The following GLP2R variants were observed in gnomAD, a reference collection of about 807,000 sequenced individuals.
GLP2R encodes the protein glucagon-like peptide 2 receptor.
GLP2R carries 59 observed loss-of-function variants against 68.2 expected under a neutral mutation model. That is an observed-to-expected ratio of 0.87 (90% CI 0.70 to 1.07). The LOEUF is 1.07. Among genes scored for constraint, GLP2R ranks in the 50% least tolerant of loss-of-function variants. GLP2R has a pLI of 0.00. For missense variants in GLP2R, 548 were observed against 677.4 expected, an observed-to-expected ratio of 0.81 and a Z score of 2.12; for synonymous variants, 270 against 265.4, an observed-to-expected ratio of 1.02 and a Z score of -0.17.
At chr17:9,833,737 T>C (rs926810862) in intron 1 of GLP2R, 70 bp from the exon 2 acceptor site, 31 of 875,188 alleles carry the variant, frequency 3.5e-5, no homozygotes, top group Non-Finnish European at 5.1e-5. Context: ...TGGAGAATCA[T>C]GGTGTGAAGT....
chr17:9,870,567 G>C (rs1351005386), intron 9 of GLP2R, among the ~76,000 whole-genome samples, 180 bp from the exon 10 acceptor site: 2 of 152,130 alleles, frequency 1.3e-5, no homozygotes, highest in Non-Finnish European at 2.9e-5. Flanking sequence ...TGGAGATTCA[G>C]ATGGCCTTTA....
At chr17:9,860,565 T>C (rs537984713) in intron 7 of GLP2R, among the ~76,000 whole-genome samples, 1 of 152,238 alleles carries the variant, frequency 6.6e-6, no homozygotes, top group African/African-American at 2.4e-5. Flanking sequence ...AAGCAAGCTC[T>C]CTCGTCTCTT....
chr17:9,870,619 C>G (rs2067083271), intron 9 of GLP2R, 128 bp from the exon 10 acceptor site: 8 of 687,386 alleles, frequency 1.2e-5, no homozygotes, highest in Non-Finnish European at 1.9e-5. Flanking sequence ...ACCTGGCCAG[C>G]TAACTGCTGA....
intron 3 of GLP2R, among the ~76,000 whole-genome samples, chr17:9,841,085 C>G (rs1462892758): frequency 6.7e-6 from 1 of 149,268 alleles, no homozygotes; most frequent in Admixed American, 6.7e-5. Context: ...GGCGTGATCT[C>G]AGCTCACTGC....
chr17:9,890,060 G>A lies in GLP2R; in HGVS notation c.*355G>A, dbSNP rs1227605441. The A allele has an allele frequency of 2.2e-6, 1 of 465,068 alleles. No individual in the cohort carries two copies. The highest frequency in any genetic ancestry group is 2.3e-5 in the Admixed American group (1 of 42,782). 28.8% of individuals were successfully genotyped at this position (465,068 alleles called of 1,614,324 possible). On this transcript the variant is annotated 3_prime_UTR_variant, in exon 13 of 13. Coordinates refer to ENST00000262441, the MANE Select transcript of GLP2R (RefSeq NM_004246.3). Reference sequence around the variant, plus strand: ...AATATCTCTTCCTTTATCCCTTGGGGTGCATGCTTTCCATCTGAGGTTGGG... The same window carrying A: ...AATATCTCTTCCTTTATCCCTTGGGATGCATGCTTTCCATCTGAGGTTGGG...
chr17:9,835,048 G>A (rs940194324), intron 2 of GLP2R, among the ~76,000 whole-genome samples: 2 of 38,498 alleles, frequency 5.2e-5, no homozygotes, highest in African/African-American at 1.0e-4. Flanking sequence ...TTTTTTTTTT[G>A]AGACAGAGTC....
At chr17:9,839,647 C>T (rs2152032754) in intron 3 of GLP2R, among the ~76,000 whole-genome samples, 2 of 152,290 alleles carry the variant, frequency 1.3e-5, no homozygotes, top group Non-Finnish European at 2.9e-5. Flanking sequence ...AAATATCATT[C>T]ACATTCTGTC....
chr17:9,882,843 T>A (rs902489705), intron 11 of GLP2R, among the ~76,000 whole-genome samples: 2 of 152,158 alleles, frequency 1.3e-5, no homozygotes, highest in African/African-American at 2.4e-5. Flanking sequence ...TCCAGACAAT[T>A]TTCTAAACAA....
intron 4 of GLP2R, among the ~76,000 whole-genome samples, chr17:9,851,435 A>G (rs2066890662): frequency 6.6e-6 from 1 of 152,258 alleles, no homozygotes; most frequent in Non-Finnish European, 1.5e-5. Flanking sequence ...TTTGACAATA[A>G]GAGTTGACAA....
At chr17:9,885,101 T>C (rs2067230722) in intron 11 of GLP2R, among the ~76,000 whole-genome samples, 1 of 151,876 alleles carries the variant, frequency 6.6e-6, no homozygotes, top group East Asian at 1.9e-4. Flanking sequence ...CATCTGATTC[T>C]GTGTAATAAA....
chr17:9,858,837 T>G (rs1465189774), intron 6 of GLP2R, among the ~76,000 whole-genome samples: 2 of 152,230 alleles, frequency 1.3e-5, no homozygotes, highest in Non-Finnish European at 2.9e-5. Context: ...TGATATTGAT[T>G]ATTTGTATCT....
chr17:9,875,150 A>G (rs1356850257), intron 10 of GLP2R, among the ~76,000 whole-genome samples: 2 of 152,188 alleles, frequency 1.3e-5, no homozygotes, highest in African/African-American at 4.8e-5. Flanking sequence ...GGTAAATCCT[A>G]CAGCATCTAT....
At chr17:9,827,947 T>G (rs1255961420) in intron 1 of GLP2R, among the ~76,000 whole-genome samples, 1 of 121,332 alleles carries the variant, frequency 8.2e-6, no homozygotes, top group African/African-American at 3.6e-5. Context: ...GGCAGTAGAG[T>G]GAGGATCTGT....
At chr17:9,864,236 C>T (rs960795345) in intron 9 of GLP2R, among the ~76,000 whole-genome samples, 6 of 152,230 alleles carry the variant, frequency 3.9e-5, no homozygotes, top group Non-Finnish European at 8.8e-5. Flanking sequence ...CGGGTAGCAC[C>T]AGCATCGCCT....
At chr17:9,844,450 C>T (rs2066817660) in intron 4 of GLP2R, among the ~76,000 whole-genome samples, 1 of 151,824 alleles carries the variant, frequency 6.6e-6, no homozygotes, top group Admixed American at 6.6e-5. Context: ...AGAGAGCGCC[C>T]AGGGGTGGAA....
At chr17:9,839,991 T>C (rs1478540183) in intron 3 of GLP2R, among the ~76,000 whole-genome samples, 1 of 151,442 alleles carries the variant, frequency 6.6e-6, no homozygotes, top group Non-Finnish European at 1.5e-5. Flanking sequence ...CTCTTTTTTT[T>C]TTTTTTTGGA....
At position 9,889,360 on chromosome 17, in the gene GLP2R, C is replaced by T; in HGVS notation, c.1327-10C>T. ...CAAGACAGTAACCTCTCACTTGTCT[C>T]ACCCGGCAGGTGAAGGCTGAGCTGC... On this transcript the variant is annotated splice_polypyrimidine_tract_variant and intron_variant, in intron 12 of 12. Coordinates refer to ENST00000262441, the MANE Select transcript of GLP2R (RefSeq NM_004246.3). 4 of 1,596,840 alleles carry T rather than the reference C, an allele frequency of 2.5e-6. No individual in the cohort carries two copies. The highest frequency in any genetic ancestry group is 3.4e-6 in the Non-Finnish European group (4 of 1,165,506).
At position 9,860,089 on chromosome 17, in the gene GLP2R, C is replaced by A; in HGVS notation, c.913C>A (p.Leu305Met). 1 of 1,605,900 alleles carries A rather than the reference C, an allele frequency of 6.2e-7. No homozygotes were observed. Among genetic ancestry groups the A allele is most frequent in the Non-Finnish European group, 8.5e-7 (1 of 1,175,708 alleles). ...PERRLWPRYL[L>M]LGWAFPVLFV... is the part of the protein sequence containing the mutation. ...GAGGCGGCTGTGGCCCAGATACCTG[C>A]TGTTGGGTTGGGGTGAGTGACCTGA... is the stretch of plus-strand genomic sequence containing the variant. Residue 305 changes from leucine to methionine, a missense_variant, in exon 7 of 13, where the codon CTG becomes ATG. By Grantham distance (15) the Leu-to-Met change is conservative (BLOSUM62 2). Transcript: ENST00000262441.
At chr17:9,842,317 A>G (rs1422700464) in intron 3 of GLP2R, among the ~76,000 whole-genome samples, 178 bp from the exon 4 acceptor site, 1 of 152,202 alleles carries the variant, frequency 6.6e-6, no homozygotes, top group Admixed American at 6.5e-5. Flanking sequence ...GTGTGTTACA[A>G]AATTGAGAAG....
Sources: gnomAD v4.1 joint callset for allele counts (sites outside exome capture counted in the v4.1 genomes callset) on GRCh38, gnomAD v4.1.1 for gene constraint, MANE v1.5 for transcripts, NCBI Gene and HGNC (gene_info 2026-07-23, HGNC 2026-07-21) for gene names.